KTN1: variants seen among roughly 807,000 people sequenced by gnomAD.
KTN1 encodes the protein kinectin.
Under a neutral mutation model 222.5 loss-of-function variants are expected in KTN1, and 130 were observed. The ratio of observed to expected loss-of-function variants is 0.58; its 90% CI spans 0.51 to 0.68. The LOEUF is 0.68. Ranked by LOEUF, KTN1 falls within the 30% of genes least tolerant of loss-of-function variation. The pLI, the probability that KTN1 is intolerant of heterozygous loss-of-function variation, is 0.00. For missense variants in KTN1, 1,508 were observed against 1,500.4 expected, an observed-to-expected ratio of 1.01 and a Z score of -0.08; for synonymous variants, 512 against 496.3, an observed-to-expected ratio of 1.03 and a Z score of -0.42.
chr14:55,651,569 G>C, intron 24 of KTN1: 2 of 365,198 alleles, frequency 5.5e-6, no homozygotes, highest in Non-Finnish European at 1.0e-5. Context: ...ACAACTGATT[G>C]ATCACAACCA....
intron 41 of KTN1, 93 bp downstream of exon 41, chr14:55,676,011 G>T: frequency 2.6e-6 from 2 of 782,466 alleles, no homozygotes; most frequent in Non-Finnish European, 4.2e-6. Context: ...TGGATTTGTT[G>T]TTTTGCATCA....
At chr14:55,625,720 A>G (rs961756708) in intron 5 of KTN1, among the ~76,000 whole-genome samples, 10 of 152,048 alleles carry the variant, frequency 6.6e-5, no homozygotes, top group African/African-American at 2.4e-4. Flanking sequence ...TTGTATTTGT[A>G]CTCAAATAAT....
Position 55,608,453 on chromosome 14 carries a change from T to G in KTN1, c.-30-3566T>G, listed in dbSNP as rs543383072. Among the ~76,000 whole-genome samples, 31 of 152,334 alleles carry G rather than the reference T, an allele frequency of 2.0e-4. 1 individual carries two copies. Among genetic ancestry groups the G allele is most frequent in the African/African-American group, 7.0e-4 (29 of 41,568 alleles). ...ACTGAACTTGCATACATAAAATGTTTTGATCATATAATTACATATGATTTT... is the reference window on the plus strand; with the variant it reads ...ACTGAACTTGCATACATAAAATGTTGTGATCATATAATTACATATGATTTT... On this transcript the variant is annotated intron_variant, in intron 1 of 43. Transcript: ENST00000395314.
At chr14:55,595,490 C>T (rs1054771904) in intron 1 of KTN1, among the ~76,000 whole-genome samples, 3 of 152,128 alleles carry the variant, frequency 2.0e-5, no homozygotes, top group Admixed American at 6.5e-5. Flanking sequence ...ACAAATCTTA[C>T]GTTCTGAAAC....
In KTN1 at chr14:55,611,930, C is replaced by T. The variant is rs1594831156; in HGVS notation, c.-30-89C>T. ...GTAGGTCAGGTTAGATTTGAAATGC[C>T]ACTTGAAAGAGCAGCAGTTTTGACT... On this transcript the variant is annotated intron_variant, in intron 1 of 43. Coordinates refer to ENST00000395314, the MANE Select transcript of KTN1 (RefSeq NM_001079521.2). 3 of 524,670 alleles carry T rather than the reference C, an allele frequency of 5.7e-6. No individual in the cohort carries two copies. The East Asian group carries it at 9.6e-5, about 17-fold the overall frequency. 32.5% of individuals were successfully genotyped at this position (524,670 alleles called of 1,614,324 possible).
rs1170962515 is a variant in KTN1 at position 55,580,278 on chromosome 14, G to GCGC, written c.-105_-103dup. The GCGC allele has an allele frequency of 1.7e-3, 260 of 152,556 alleles. No individual in the cohort carries two copies. Among genetic ancestry groups the GCGC allele is most frequent in the Non-Finnish European group, 2.7e-3 (194 of 71,794 alleles). The allele number at this position is 152,556 out of a possible 1,614,324, so 9.5% of individuals were successfully genotyped here. A position where few individuals can be genotyped will look rare whatever the true frequency, so the allele number is the denominator to read the frequency against. ...TGCGGCGGCGGCGGCGGCGGCGGCG[G>GCGC]CGCCTCGGAGCGGGCGGCCCGGGCT... On this transcript the variant is annotated 5_prime_UTR_variant, in exon 1 of 44. Coordinates refer to ENST00000395314, the MANE Select transcript of KTN1 (RefSeq NM_001079521.2).
rs187444881 is a variant in KTN1 at position 55,641,158 on chromosome 14, C to A, written c.2053C>A (p.Leu685Met). 6.9e-6 allele frequency: 11 copies of A among 1,596,406 alleles called. No individual in the cohort carries two copies. In the African/African-American group the frequency reaches 1.4e-4, roughly 20 times the overall value. ...VYVKDDKIRL[L>M]EEQLQHEISN... Reference sequence around the variant, plus strand: ...TGTTAAAGATGATAAAATAAGATTGCTGGAAGAGCAACTACAACATGAAAT... The same window carrying A: ...TGTTAAAGATGATAAAATAAGATTGATGGAAGAGCAACTACAACATGAAAT... Residue 685 changes from leucine (L) to methionine (M), a missense_variant, in exon 17 of 44, where the codon CTG (leucine) becomes ATG (methionine). By Grantham distance (15) the Leu-to-Met change is conservative. Transcript: ENST00000395314.
intron 2 of KTN1, among the ~76,000 whole-genome samples, chr14:55,616,155 T>C (rs2038361112): frequency 6.6e-6 from 1 of 152,082 alleles, no homozygotes; most frequent in Non-Finnish European, 1.5e-5. Flanking sequence ...GGTCTGGAAC[T>C]CCTGGGTTCA....
chr14:55,626,028 A>G (rs1278399061), intron 5 of KTN1, among the ~76,000 whole-genome samples: 1 of 152,122 alleles, frequency 6.6e-6, no homozygotes, highest in African/African-American at 2.4e-5. Context: ...ATGGCTTGAC[A>G]TTGACTGCTC....
chr14:55,635,489 T>C (rs2041017053), intron 9 of KTN1, among the ~76,000 whole-genome samples: 1 of 152,202 alleles, frequency 6.6e-6, no homozygotes, highest in Admixed American at 6.5e-5. Flanking sequence ...TCCAGTGGCT[T>C]GCACTCGACC....
At chr14:55,661,870 TA>T (rs2044183387) in intron 32 of KTN1, 2 of 245,888 alleles carry the variant, frequency 8.1e-6, no homozygotes, top group African/African-American at 4.4e-5. Context: ...TTAGTTATTT[TA>T]AAAAGCTAAA....
At chr14:55,631,125 A>C (rs563930255) in intron 7 of KTN1, among the ~76,000 whole-genome samples, 1 of 151,922 alleles carries the variant, frequency 6.6e-6, no homozygotes, top group Non-Finnish European at 1.5e-5. Context: ...ATTTTTGAAA[A>C]GATTGAAATA....
intron 1 of KTN1, among the ~76,000 whole-genome samples, chr14:55,586,653 T>C (rs1487558938): frequency 1.3e-5 from 2 of 152,104 alleles, no homozygotes; most frequent in Non-Finnish European, 2.9e-5. Context: ...TGTTAGGCAT[T>C]ACAAAGCTAA....
In KTN1 at chr14:55,673,187, A is replaced by C. The variant is rs777855798; in HGVS notation, c.3703A>C (p.Thr1235Pro). 5.6e-6 allele frequency: 9 copies of C among 1,612,734 alleles called. No individual in the cohort carries two copies. In the South Asian group the frequency reaches 9.9e-5, roughly 18 times the overall value. Residue 1235 changes from threonine (T) to proline (P), a missense_variant, in exon 40 of 44, where the codon ACT becomes CCT. Transcript: ENST00000395314. ...TTCATTGCAGCTGAAAGATCTGTTG[A>C]CTGAATTGCAGAAAAAACTTGATGA... Reference protein sequence around the residue: ...TEVRELKDLLTELQKKLDDSY... With the variant: ...TEVRELKDLLPELQKKLDDSY...
At chr14:55,650,508 G>T in intron 23 of KTN1, 61 bp from the exon 24 acceptor site, 1 of 1,513,692 alleles carries the variant, frequency 6.6e-7, no homozygotes, top group Non-Finnish European at 9.1e-7. Context: ...TCTGTGCATT[G>T]CATTTTATGT....
chr14:55,637,639 A>G, intron 11 of KTN1, 140 bp from the exon 12 acceptor site: 1 of 646,572 alleles, frequency 1.5e-6, no homozygotes, highest in Non-Finnish European at 2.7e-6. Flanking sequence ...ATTGTTTAAA[A>G]TAATGCCTTT....
At chr14:55,659,183 A>G (rs2043831389) in intron 30 of KTN1, among the ~76,000 whole-genome samples, 1 of 152,162 alleles carries the variant, frequency 6.6e-6, no homozygotes, top group Admixed American at 6.5e-5. Flanking sequence ...GAAGCTTGAG[A>G]GATTATTGTC....
chr14:55,679,719 A>G, intron 43 of KTN1, 34 bp downstream of exon 43: 2 of 1,598,898 alleles, frequency 1.3e-6, no homozygotes, highest in Non-Finnish European at 1.7e-6. Flanking sequence ...GTCTATGGGT[A>G]ATTGATGTTA....
chr14:55,617,199 A>G lies in KTN1; in HGVS notation c.661+545A>G, dbSNP rs76142514. Among the ~76,000 whole-genome samples, 624 of 152,330 alleles carry G rather than the reference A, an allele frequency of 4.1e-3. 6 individuals carry two copies. The highest frequency in any genetic ancestry group is 0.014 in the African/African-American group (595 of 41,580). ...ATGACATATCAATTAGGTATGAGAG[A>G]AATATTACCTGAATATATTTGTTAA... On this transcript the variant is annotated intron_variant, in intron 3 of 43. Coordinates refer to ENST00000395314, the MANE Select transcript of KTN1 (RefSeq NM_001079521.2).
Sources: gnomAD v4.1 joint callset for allele counts (sites outside exome capture counted in the v4.1 genomes callset) on GRCh38, gnomAD v4.1.1 for gene constraint, MANE v1.5 for transcripts, NCBI Gene and HGNC (gene_info 2026-07-23, HGNC 2026-07-21) for gene names.